The following PPIP5K2 variants were observed in gnomAD, a reference collection of about 807,000 sequenced individuals.
PPIP5K2 encodes the protein inositol hexakisphosphate and diphosphoinositol-pentakisphosphate kinase 2.
A neutral mutation model predicts 154.6 loss-of-function variants in PPIP5K2; 105 were observed. The observed-to-expected ratio is 0.68, with a 90% confidence interval of 0.58 to 0.80. The LOEUF (loss-of-function observed/expected upper bound fraction) is 0.80. PPIP5K2 is among the 30% of genes least tolerant of loss of function. The probability of loss-of-function intolerance (pLI) is 0.00; values close to 1 mark genes in which losing one functional copy is unlikely to be tolerated. For missense variants in PPIP5K2, 992 were observed against 1,504.6 expected (o/e 0.66, Z 5.64); for synonymous variants, 480 against 490.3 (o/e 0.98, Z 0.28).
In PPIP5K2 at chr5:103,201,562, A is replaced by C; in HGVS notation, c.3660A>C (p.Ser1220=). 1 of 1,610,340 alleles carries C rather than the reference A, an allele frequency of 6.2e-7. No individual in the cohort carries two copies. The highest frequency in any genetic ancestry group is 1.7e-4 in the Middle Eastern group (1 of 6,020). Residue 1220 remains serine, a synonymous_variant, in exon 31 of 31, where the codon TCA becomes TCC. Coordinates refer to ENST00000358359, the MANE Select transcript of PPIP5K2 (RefSeq NM_001276277.3). ...CTAGTGCAGTTGTTCCTAATACCTC[A>C]TCTCGGAAAAAGAATATAACTAGCA... is the stretch of plus-strand genomic sequence containing the variant. The part of the protein sequence containing the change: ...GPSSAVVPNT[S]SRKKNITSKT...
chr5:103,201,772 T>TTTGCTA lies in PPIP5K2; in HGVS notation c.*138_*139insTTGCTA. On this transcript the variant is annotated 3_prime_UTR_variant, in exon 31 of 31. Transcript: ENST00000358359. ...TGTTTATGTTCAGGTAAGGAACTGTTGTCATGATCTGGAAATGTTTAAAAC... is the reference window on the plus strand; with the variant it reads ...TGTTTATGTTCAGGTAAGGAACTGTTTTGCTAGTCATGATCTGGAAATGTTTAAAAC... 1.6e-6 allele frequency: 1 copy of TTTGCTA among 638,290 alleles called. No individual in the cohort carries two copies. Among genetic ancestry groups the TTTGCTA allele is most frequent in the South Asian group, 2.2e-5 (1 of 45,442 alleles). 39.5% of individuals were successfully genotyped at this position (638,290 alleles called of 1,614,324 possible). A position where few individuals can be genotyped will look rare whatever the true frequency, so the allele number is the denominator to read the frequency against.
At chr5:103,142,410 G>A (rs1489873098) in intron 5 of PPIP5K2, among the ~76,000 whole-genome samples, 7 of 152,218 alleles carry the variant, frequency 4.6e-5, no homozygotes, top group Non-Finnish European at 8.8e-5. Flanking sequence ...GTTCCCGCTC[G>A]CGCCTCTCCC....
In PPIP5K2 at chr5:103,133,525, A is replaced by T. The variant is rs782646636; in HGVS notation, c.187A>T (p.Ile63Phe). ...ATCCAAATCCAAACCAATGAAGGAA[A>T]TTCTTGAACGGATCTCCTTATTTAA... The part of the protein sequence containing the change: ...KKSKSKPMKE[I>F]LERISLFKYI... The change falls in exon 3 of 31, where the codon ATT becomes TTT. Residue 63 changes from isoleucine to phenylalanine, a missense_variant. Physicochemically the swap from Ile to Phe is conservative, Grantham distance 21 (BLOSUM62 0). Transcript: ENST00000358359. 2 of 1,612,424 alleles carry T rather than the reference A, an allele frequency of 1.2e-6. No homozygotes were observed. The highest frequency in any genetic ancestry group is 1.7e-6 in the Non-Finnish European group (2 of 1,179,554).
At chr5:103,140,443 C>T (rs551917225) in intron 5 of PPIP5K2, among the ~76,000 whole-genome samples, 2 of 152,200 alleles carry the variant, frequency 1.3e-5, no homozygotes, top group African/African-American at 4.8e-5. Flanking sequence ...AGCTCTGATA[C>T]AACTGGCAGC....
chr5:103,145,744 C>T (rs948354808), intron 5 of PPIP5K2, among the ~76,000 whole-genome samples: 2 of 151,196 alleles, frequency 1.3e-5, no homozygotes, highest in African/African-American at 2.4e-5. Context: ...GCAAGGATGA[C>T]GGGGATGAAG....
At chr5:103,141,358 C>T (rs954972459) in intron 5 of PPIP5K2, among the ~76,000 whole-genome samples, 6 of 152,058 alleles carry the variant, frequency 3.9e-5, no homozygotes, top group South Asian at 2.1e-4. Flanking sequence ...CAGACCTTCG[C>T]GGTGAGTGTT....
chr5:103,193,544 T>C (rs1801594683), intron 29 of PPIP5K2, among the ~76,000 whole-genome samples: 1 of 151,950 alleles, frequency 6.6e-6, no homozygotes, highest in South Asian at 2.1e-4. Context: ...TTAATTAGGA[T>C]AAGTTAGTGA....
At position 103,136,835 on chromosome 5, in the gene PPIP5K2, G is replaced by A; in HGVS notation, c.401+13G>A. On this transcript the variant is annotated intron_variant, in intron 4 of 30. Coordinates refer to ENST00000358359, the MANE Select transcript of PPIP5K2 (RefSeq NM_001276277.3). Reference sequence around the variant, plus strand: ...TCATACAAGATAGGTGAGTGGTGAAGTTGGCTGAATTAAGGGAAGGAAAAA... The same window carrying A: ...TCATACAAGATAGGTGAGTGGTGAAATTGGCTGAATTAAGGGAAGGAAAAA... The A allele has an allele frequency of 1.9e-6, 3 of 1,593,388 alleles. No homozygotes were observed. The highest frequency in any genetic ancestry group is 1.7e-5 in the Admixed American group (1 of 59,992).
At chr5:103,167,114 AT>A in intron 17 of PPIP5K2, 64 bp from the exon 18 acceptor site, 1 of 1,247,528 alleles carries the variant, frequency 8.0e-7, no homozygotes, top group Non-Finnish European at 1.1e-6. Flanking sequence ...TTTTGTATAT[AT>A]ATATTGTTCT....
Position 103,146,701 on chromosome 5 carries a change from T to C in PPIP5K2, c.642+20T>C, listed in dbSNP as rs781971589. On this transcript the variant is annotated intron_variant, in intron 6 of 30. Coordinates refer to ENST00000358359, the MANE Select transcript of PPIP5K2 (RefSeq NM_001276277.3). ...AGAAAGGTAACACCTTTGTAACTTTTGTATGAATACTCTTCTTTGTACATT... is the reference window on the plus strand; with the variant it reads ...AGAAAGGTAACACCTTTGTAACTTTCGTATGAATACTCTTCTTTGTACATT... 1.3e-6 allele frequency: 2 copies of C among 1,583,368 alleles called. No homozygotes were observed. The highest frequency in any genetic ancestry group is 1.1e-5 in the South Asian group (1 of 88,308).
At chr5:103,158,678 T>C in intron 16 of PPIP5K2, 105 bp downstream of exon 16, 1 of 957,666 alleles carries the variant, frequency 1.0e-6, no homozygotes, top group Non-Finnish European at 1.5e-6. Flanking sequence ...TCCTAGCACT[T>C]TGGGAGGCTG....
At chr5:103,188,611 G>T (rs900155339) in intron 28 of PPIP5K2, 1 of 152,022 alleles carries the variant, frequency 6.6e-6, no homozygotes, top group Admixed American at 6.6e-5. Flanking sequence ...TAAAGAAACC[G>T]CATGCCTAAG....
intron 5 of PPIP5K2, among the ~76,000 whole-genome samples, chr5:103,144,293 A>G (rs1554208402): frequency 6.6e-6 from 1 of 152,200 alleles, no homozygotes; most frequent in Non-Finnish European, 1.5e-5. Context: ...AACACACAAA[A>G]AAATGGAAAA....
chr5:103,146,787 A>C (rs1195386910), intron 6 of PPIP5K2, 106 bp downstream of exon 6: 6 of 967,438 alleles, frequency 6.2e-6, no homozygotes, highest in African/African-American at 5.1e-5. Context: ...ACTCTTGAAA[A>C]TGTATCATTT....
At chr5:103,175,587 C>T (rs58603739) in intron 21 of PPIP5K2, among the ~76,000 whole-genome samples, 6,410 of 152,122 alleles carry the variant, frequency 0.042, 440 homozygotes, top group African/African-American at 0.15. Context: ...GATAAAATGA[C>T]AGCAGATATG....
chr5:103,179,873 T>A, intron 23 of PPIP5K2, 148 bp from the exon 24 acceptor site: 1 of 591,484 alleles, frequency 1.7e-6, no homozygotes, highest in Non-Finnish European at 2.7e-6. Flanking sequence ...ACTAAGCTGT[T>A]AGAAGAGTTC....
Position 103,209,820 on chromosome 5 carries a change from C to T in PPIP5K2, c.*8186C>T, listed in dbSNP as rs1441735214. 6.6e-6 allele frequency: 1 copy of T among 151,900 alleles called. No homozygotes were observed. Among genetic ancestry groups the T allele is most frequent in the Admixed American group, 6.6e-5 (1 of 15,214 alleles). 9.4% of individuals were successfully genotyped at this position (151,900 alleles called of 1,614,324 possible). On this transcript the variant is annotated 3_prime_UTR_variant, in exon 31 of 31. Coordinates refer to ENST00000358359, the MANE Select transcript of PPIP5K2 (RefSeq NM_001276277.3). ...AGCAGAGGAGGGGTGAGACAGAGAA[C>T]AAAAGAACACAGGCTCTACTGTTAA...
chr5:103,120,669 G>C (rs945420667), intron 1 of PPIP5K2, 181 bp downstream of exon 1: 5 of 308,922 alleles, frequency 1.6e-5, no homozygotes, highest in South Asian at 1.2e-4. Flanking sequence ...CAGCTTTGAG[G>C]GTCCTTTCGC....
chr5:103,169,121 A>G (rs115160935), intron 19 of PPIP5K2, among the ~76,000 whole-genome samples: 263 of 152,026 alleles, frequency 1.7e-3, no homozygotes, highest in African/African-American at 6.1e-3. Flanking sequence ...AAGGTGTAAC[A>G]AGAATTCAAT....
Sources: gnomAD v4.1 joint callset for allele counts (sites outside exome capture counted in the v4.1 genomes callset) on GRCh38, gnomAD v4.1.1 for gene constraint, MANE v1.5 for transcripts, NCBI Gene and HGNC (gene_info 2026-07-23, HGNC 2026-07-21) for gene names.